The following PRPSAP1 variants were observed in gnomAD, a reference collection of about 807,000 sequenced individuals.
The protein encoded by PRPSAP1 is phosphoribosyl pyrophosphate synthetase associated protein 1, also known as phosphoribosyl pyrophosphate synthase-associated protein 1.
PRPSAP1 carries 31 observed loss-of-function variants against 39.4 expected under a neutral mutation model. That is an observed-to-expected ratio of 0.79 (90% CI 0.59 to 1.06). The LOEUF is 1.06. Ranked by LOEUF, PRPSAP1 falls within the 50% of genes least tolerant of loss-of-function variation. The probability of loss-of-function intolerance (pLI) is 0.00; values close to 1 mark genes in which losing one functional copy is unlikely to be tolerated. For synonymous variants in PRPSAP1, 212 were observed against 192.6 expected (o/e 1.10, Z -0.83); for missense variants, 430 against 511.6 (o/e 0.84, Z 1.54).
intron 9 of PRPSAP1, among the ~76,000 whole-genome samples, chr17:76,311,906 A>T (rs191672445): frequency 7.9e-5 from 12 of 152,276 alleles, no homozygotes; most frequent in African/African-American, 2.4e-4. Context: ...ACAAGACAAA[A>T]ATCTTAGGAA....
intron 1 of PRPSAP1, among the ~76,000 whole-genome samples, chr17:76,349,802 C>G (rs1005510300): frequency 6.6e-6 from 1 of 151,882 alleles, no homozygotes; most frequent in African/African-American, 2.4e-5. Flanking sequence ...CATCTCCAGC[C>G]AGGCCAGGCG....
At chr17:76,347,723 G>A (rs1014065970) in intron 2 of PRPSAP1, among the ~76,000 whole-genome samples, 2 of 152,052 alleles carry the variant, frequency 1.3e-5, no homozygotes, top group Non-Finnish European at 2.9e-5. Flanking sequence ...GAAGAAAACC[G>A]TGGCAGGGCA....
In PRPSAP1 at chr17:76,314,918, G is replaced by A. The variant is rs376369136; in HGVS notation, c.782-1027C>T. ...GACAGAGACATGCAGAAGGAATGCC[G>A]CTCTGCAGAAAGCGAAACAGCGAAA... On this transcript the variant is annotated intron_variant, in intron 7 of 9. Coordinates refer to ENST00000446526, the MANE Select transcript of PRPSAP1 (RefSeq NM_002766.3). Among the ~76,000 whole-genome samples the A allele has an allele frequency of 1.6e-4, 24 of 152,318 alleles. No homozygotes were observed. The East Asian group carries it at 3.7e-3, about 23-fold the overall frequency.
chr17:76,326,194 G>A (rs146164772), intron 7 of PRPSAP1, among the ~76,000 whole-genome samples: 3 of 152,194 alleles, frequency 2.0e-5, no homozygotes, highest in South Asian at 4.1e-4. Context: ...GAAATGAATA[G>A]GGAAGAAGAG....
At chr17:76,331,379 C>A (rs564945702) in intron 4 of PRPSAP1, among the ~76,000 whole-genome samples, 3 of 152,244 alleles carry the variant, frequency 2.0e-5, no homozygotes, top group South Asian at 4.1e-4. Context: ...ATGGGTTCCA[C>A]GTGTGGATTC....
intron 7 of PRPSAP1, among the ~76,000 whole-genome samples, chr17:76,323,115 G>C (rs529311730): frequency 6.8e-6 from 1 of 146,254 alleles, no homozygotes; most frequent in Non-Finnish European, 1.5e-5. Flanking sequence ...GCTGAAGCAC[G>C]CAGATCACCT....
At chr17:76,352,783 T>C (rs2071592964) in intron 1 of PRPSAP1, among the ~76,000 whole-genome samples, 1 of 151,464 alleles carries the variant, frequency 6.6e-6, no homozygotes, top group Non-Finnish European at 1.5e-5. Context: ...GATCATACAA[T>C]ATTCTCAACC....
chr17:76,318,030 G>C (rs1011399489), intron 7 of PRPSAP1, among the ~76,000 whole-genome samples: 1 of 152,120 alleles, frequency 6.6e-6, no homozygotes, highest in South Asian at 2.1e-4. Context: ...CAGCATCCTG[G>C]CCTTTACCTA....
At chr17:76,320,300 A>AGGGAGGAAGGGAGGAAGGG (rs1276016405) in intron 7 of PRPSAP1, among the ~76,000 whole-genome samples, 9 of 85,712 alleles carry the variant, frequency 1.1e-4, no homozygotes, top group African/African-American at 3.3e-4. Flanking sequence ...GAAAGAAAGA[A>AGGGAGGAAGGGAGGAAGGG]AAGAAAGGAA....
At chr17:76,320,157 A>G (rs1000708653) in intron 7 of PRPSAP1, among the ~76,000 whole-genome samples, 3 of 151,958 alleles carry the variant, frequency 2.0e-5, no homozygotes, top group Admixed American at 6.6e-5. Flanking sequence ...GTAATCCCAG[A>G]AACTTGAGAG....
intron 3 of PRPSAP1, among the ~76,000 whole-genome samples, chr17:76,340,890 G>A (rs1180167453): frequency 1.6e-5 from 2 of 123,066 alleles, no homozygotes; most frequent in African/African-American, 3.0e-5. Context: ...CAACAAGAAC[G>A]AAACTCCATC....
At chr17:76,324,826 C>A (rs2071234655) in intron 7 of PRPSAP1, among the ~76,000 whole-genome samples, 2 of 151,502 alleles carry the variant, frequency 1.3e-5, no homozygotes, top group South Asian at 4.2e-4. Flanking sequence ...CTTTGGGAGG[C>A]CAAGGCGGGC....
intron 3 of PRPSAP1, among the ~76,000 whole-genome samples, chr17:76,340,004 G>A (rs963177796): frequency 2.0e-5 from 3 of 151,530 alleles, no homozygotes; most frequent in African/African-American, 7.3e-5. Flanking sequence ...GGTGGCATGT[G>A]CCTGTAGCCC....
chr17:76,316,191 A>G (rs868700616), intron 7 of PRPSAP1, among the ~76,000 whole-genome samples: 3,379 of 128,640 alleles, frequency 0.026, 79 homozygotes, highest in African/African-American at 0.12. Flanking sequence ...AAAAAAAAAA[A>G]GAAAAAAAAA....
rs868282966 is a variant in PRPSAP1 at position 76,340,570 on chromosome 17, G to C, written c.290+4101C>G. 4.6e-5 allele frequency among the ~76,000 whole-genome samples: 7 copies of C among 151,678 alleles called. No homozygotes were observed. The South Asian group carries it at 6.2e-4, about 13-fold the overall frequency. On this transcript the variant is annotated intron_variant, in intron 3 of 9. Transcript: ENST00000446526. ...GTATCACAAAGGACACTAACAATAT[G>C]CTGTTTCTATGCTCGACTAGTTTGA...
At chr17:76,314,749 G>A (rs574999799) in intron 7 of PRPSAP1, 1 of 152,338 alleles carries the variant, frequency 6.6e-6, no homozygotes, top group Admixed American at 6.5e-5. Context: ...GACGGGCCGT[G>A]TCTCATGAGC....
chr17:76,317,729 G>A lies in PRPSAP1; in HGVS notation c.782-3838C>T, dbSNP rs75348944. ...GTGAAATTAAGAAGCCAGGAAAAGC[G>A]AGCCAGAAAAAGTGACCTCCTCTCA... On this transcript the variant is annotated intron_variant, in intron 7 of 9. Transcript: ENST00000446526. Among the ~76,000 whole-genome samples, 385 of 152,204 alleles carry A rather than the reference G, an allele frequency of 2.5e-3. 4 individuals carry two copies. Among genetic ancestry groups the A allele is most frequent in the African/African-American group, 8.6e-3 (358 of 41,532 alleles).
chr17:76,346,959 A>G (rs1291168981), intron 2 of PRPSAP1, among the ~76,000 whole-genome samples: 2 of 152,118 alleles, frequency 1.3e-5, no homozygotes, highest in Admixed American at 6.6e-5. Flanking sequence ...CAGGACTTGG[A>G]AGAAGGGACA....
intron 7 of PRPSAP1, among the ~76,000 whole-genome samples, chr17:76,328,345 A>C (rs191657852): frequency 6.6e-6 from 1 of 152,238 alleles, no homozygotes; most frequent in East Asian, 1.9e-4. Context: ...TAATCCCAGC[A>C]CTCTGGGAGG....
Sources: allele counts gnomAD v4.1 joint callset (sites outside exome capture counted in the v4.1 genomes callset), GRCh38; gene constraint gnomAD v4.1.1; transcripts MANE v1.5; gene names NCBI Gene and HGNC (gene_info 2026-07-23, HGNC 2026-07-21).